AGBL3: variants seen among roughly 807,000 people sequenced by gnomAD.
The protein encoded by AGBL3 is cytosolic carboxypeptidase 3.
A neutral mutation model predicts 94.5 loss-of-function variants in AGBL3; 68 were observed. The ratio of observed to expected loss-of-function variants is 0.72; its 90% CI spans 0.59 to 0.88. AGBL3 has a LOEUF of 0.88. Ranked by LOEUF, AGBL3 falls within the 40% of genes least tolerant of loss-of-function variation. The probability of loss-of-function intolerance (pLI) is 0.00; values close to 1 mark genes in which losing one functional copy is unlikely to be tolerated. For synonymous variants in AGBL3, 354 were observed against 370.7 expected (o/e 0.95, Z 0.52); for missense variants, 934 against 1,103.8 (o/e 0.85, Z 2.18).
intron 8 of AGBL3, among the ~76,000 whole-genome samples, chr7:135,040,806 A>G (rs1345241145): frequency 1.3e-5 from 2 of 152,144 alleles, no homozygotes; most frequent in Non-Finnish European, 2.9e-5. Flanking sequence ...GAAGGCAGAC[A>G]GATTGGAAAG....
intron 16 of AGBL3, chr7:135,129,568 T>C (rs6964484): frequency 0.51 from 388,738 of 768,300 alleles, 101,930 homozygotes; most frequent in South Asian, 0.65. Flanking sequence ...TGGATTTGCA[T>C]GAGTTCTCTC....
intron 5 of AGBL3, among the ~76,000 whole-genome samples, chr7:135,024,560 C>A (rs1012324266): frequency 6.6e-6 from 1 of 152,170 alleles, no homozygotes; most frequent in African/African-American, 2.4e-5. Context: ...AGAATCAGCA[C>A]AAGAACTCAG....
At chr7:135,074,106 G>T (rs1325385777) in intron 12 of AGBL3, among the ~76,000 whole-genome samples, 4 of 152,190 alleles carry the variant, frequency 2.6e-5, no homozygotes, top group African/African-American at 7.2e-5. Context: ...GTAACTATGT[G>T]AGGTGATACG....
At chr7:135,085,217 T>C (rs376589335) in intron 15 of AGBL3, among the ~76,000 whole-genome samples, 1 of 152,104 alleles carries the variant, frequency 6.6e-6, no homozygotes, top group South Asian at 2.1e-4. Context: ...ATTTTTGCTA[T>C]TGAGGTAATT....
At chr7:135,047,062 C>T (rs1288503212) in intron 11 of AGBL3, among the ~76,000 whole-genome samples, 1 of 152,002 alleles carries the variant, frequency 6.6e-6, no homozygotes. Flanking sequence ...CTGAAAGTCC[C>T]ATTCCCCTAC....
intron 5 of AGBL3, among the ~76,000 whole-genome samples, chr7:135,030,436 T>G (rs926905117): frequency 1.3e-5 from 2 of 152,202 alleles, no homozygotes; most frequent in African/African-American, 4.8e-5. Flanking sequence ...TTTACACCAT[T>G]GTAAAGCTGG....
chr7:135,049,231 A>T (rs967683270), intron 11 of AGBL3, among the ~76,000 whole-genome samples: 1 of 151,854 alleles, frequency 6.6e-6, no homozygotes, highest in Non-Finnish European at 1.5e-5. Flanking sequence ...GAATTAATTG[A>T]TTTGCATATA....
intron 12 of AGBL3, among the ~76,000 whole-genome samples, chr7:135,068,753 G>T (rs1177332894): frequency 1.3e-5 from 2 of 151,970 alleles, no homozygotes; most frequent in African/African-American, 4.8e-5. Flanking sequence ...ACATGGAAAG[G>T]AACAACCAGT....
rs1243305012 is a variant in AGBL3, at chr7:135,034,350, C to T, written c.759C>T (p.His253=). The T allele has an allele frequency of 6.4e-7, 1 of 1,551,682 alleles. No individual in the cohort carries two copies. Among genetic ancestry groups the T allele is most frequent in the Non-Finnish European group, 8.7e-7 (1 of 1,146,974 alleles). ...CTGAAAAAGAGGCCAAGGCTCATCA[C>T]ATTGGCTGGCAGAGAATAGGAGACC... ...FYSEKEAKAH[H]IGWQRIGDQI... The change falls in exon 7 of 17, where the codon CAC becomes CAT. Residue 253 remains histidine (H), a synonymous_variant. Transcript: ENST00000436302.
At chr7:135,038,956 C>T (rs1656099277) in intron 8 of AGBL3, among the ~76,000 whole-genome samples, 1 of 117,664 alleles carries the variant, frequency 8.5e-6, no homozygotes, top group Non-Finnish European at 1.9e-5. Context: ...GAGACTTTGT[C>T]TCAAAAAAAA....
At chr7:135,086,448 G>A (rs1024504553) in intron 15 of AGBL3, among the ~76,000 whole-genome samples, 2 of 151,940 alleles carry the variant, frequency 1.3e-5, no homozygotes, top group African/African-American at 2.4e-5. Flanking sequence ...TATTGGGTGC[G>A]GGTTTGTCTT....
chr7:135,077,012 G>A (rs1166946411), intron 13 of AGBL3, among the ~76,000 whole-genome samples: 1 of 152,164 alleles, frequency 6.6e-6, no homozygotes, highest in Non-Finnish European at 1.5e-5. Flanking sequence ...GAGAGCCTGT[G>A]GTATTTCAAT....
At chr7:135,041,005 C>G (rs926580057) in intron 8 of AGBL3, among the ~76,000 whole-genome samples, 5 of 151,916 alleles carry the variant, frequency 3.3e-5, no homozygotes, top group Admixed American at 6.6e-5. Flanking sequence ...AATTGGAAAC[C>G]AAAGTTAAAA....
At chr7:135,122,516 AC>A (rs916679175) in intron 16 of AGBL3, among the ~76,000 whole-genome samples, 5 of 151,332 alleles carry the variant, frequency 3.3e-5, no homozygotes, top group African/African-American at 1.2e-4. Context: ...AGCGAAGCAC[AC>A]CCCCCCAACC....
chr7:135,004,976 C>G (rs958626401), intron 4 of AGBL3, among the ~76,000 whole-genome samples: 5 of 150,952 alleles, frequency 3.3e-5, no homozygotes, highest in Non-Finnish European at 7.4e-5. Context: ...TCTTACTTCC[C>G]AGTATTTTAT....
Position 135,034,668 on chromosome 7 carries a change from G to T in AGBL3, c.1077G>T (p.Leu359=). Residue 359 remains leucine (L), a synonymous_variant, in exon 7 of 17, where the codon CTG becomes CTT. Coordinates refer to ENST00000436302, the MANE Select transcript of AGBL3 (RefSeq NM_178563.4). Reference sequence around the variant, plus strand: ...CAAGAAAGCGGAAGGCTGTGATTCTGACTGCAAGGGTCCATCCAGGGGAAA... The same window carrying T: ...CAAGAAAGCGGAAGGCTGTGATTCTTACTGCAAGGGTCCATCCAGGGGAAA... ...SDSRKRKAVI[L]TARVHPGETN... 6.4e-7 allele frequency: 1 copy of T among 1,551,550 alleles called. No individual in the cohort carries two copies. The highest frequency in any genetic ancestry group is 1.2e-5 in the South Asian group (1 of 84,034).
Position 135,034,615 on chromosome 7 carries a change from A to C in AGBL3, c.1024A>C (p.Ile342Leu), listed in dbSNP as rs1272994119. 6.4e-7 allele frequency: 1 copy of C among 1,551,560 alleles called. No homozygotes were observed. Among genetic ancestry groups the C allele is most frequent in the African/African-American group, 1.4e-5 (1 of 73,012 alleles). Residue 342 changes from isoleucine to leucine, a missense_variant, in exon 7 of 17, where the codon ATC (isoleucine) becomes CTC (leucine). Ile to Leu is a conservative substitution (Grantham distance 5). This residue lies in a region of AGBL3 where 488 missense variants were observed against 563.6 expected (regional missense o/e 0.87). Coordinates refer to ENST00000436302, the MANE Select transcript of AGBL3 (RefSeq NM_178563.4). ...TAGGAACATGGTGTATATTTTAACA[A>C]TCACTACCCCCTTGAAGAACTCTGA... is the stretch of plus-strand genomic sequence containing the variant. The part of the protein sequence containing the change: ...LARNMVYILT[I>L]TTPLKNSDSR...
chr7:135,088,848 A>G (rs1169683190), intron 15 of AGBL3, among the ~76,000 whole-genome samples: 3 of 152,152 alleles, frequency 2.0e-5, no homozygotes, highest in African/African-American at 7.2e-5. Context: ...TGCCTTGGTG[A>G]GGACCTTTTT....
rs1012685883 is a variant in AGBL3 at position 135,129,654 on chromosome 7, G to A, written c.2343-5187G>A. The A allele has an allele frequency of 1.5e-5, 12 of 780,676 alleles. No individual in the cohort carries two copies. In the African/African-American group the frequency reaches 1.9e-4, roughly 12 times the overall value. The allele number at this position is 780,676 out of a possible 1,614,324, so 48.4% of individuals were successfully genotyped here. A position where few individuals can be genotyped will look rare whatever the true frequency, so the allele number is the denominator to read the frequency against. On this transcript the variant is annotated intron_variant, in intron 16 of 16. Transcript: ENST00000436302. ...TAAACAGCTGTTTTATGCTGTGGAT[G>A]TTGATGAAGATATTTGGGAAGATGA...
Sources: allele counts gnomAD v4.1 joint callset (sites outside exome capture counted in the v4.1 genomes callset), GRCh38; gene constraint gnomAD v4.1.1; regional missense constraint gnomAD v4.1.1; transcripts MANE v1.5; gene names NCBI Gene and HGNC (gene_info 2026-07-23, HGNC 2026-07-21).